The following SUMF1 variants were observed in gnomAD, a reference collection of about 807,000 sequenced individuals.
The protein encoded by SUMF1 is formylglycine-generating enzyme.
A neutral mutation model predicts 47.6 loss-of-function variants in SUMF1; 48 were observed. The ratio of observed to expected loss-of-function variants is 1.01; its 90% confidence interval spans 0.80 to 1.28. SUMF1 has a LOEUF of 1.28. SUMF1 is among the 50% of genes most tolerant of loss of function. SUMF1 has a pLI of 0.00. For synonymous variants in SUMF1, 230 were observed against 192.1 expected, an observed-to-expected ratio of 1.20 and a Z score of -1.63; for missense variants, 571 against 485.4, an observed-to-expected ratio of 1.18 and a Z score of -1.66.
At chr3:4,065,304 G>A (rs1048988535) in intron 9 of SUMF1, among the ~76,000 whole-genome samples, 1 of 152,046 alleles carries the variant, frequency 6.6e-6, no homozygotes, top group African/African-American at 2.4e-5. Context: ...CACTGGGCTA[G>A]AAAGAAGAGG....
intron 8 of SUMF1, among the ~76,000 whole-genome samples, chr3:4,109,587 C>T (rs1693244029): frequency 6.6e-6 from 1 of 152,094 alleles, no homozygotes; most frequent in Non-Finnish European, 1.5e-5. Context: ...TTGGTCTTTT[C>T]ACATAGTCCC....
At chr3:4,436,795 C>T (rs1702414488) in intron 3 of SUMF1, among the ~76,000 whole-genome samples, 1 of 149,602 alleles carries the variant, frequency 6.7e-6, no homozygotes, top group South Asian at 2.1e-4. Flanking sequence ...AAGAAATCAA[C>T]ACCTAGAATA....
chr3:4,109,862 G>A (rs567655192), intron 8 of SUMF1, among the ~76,000 whole-genome samples: 1 of 152,140 alleles, frequency 6.6e-6, no homozygotes, highest in East Asian at 1.9e-4. Context: ...TCTTTGCCAT[G>A]GGTTCAAACT....
chr3:4,084,627 C>G (rs993800357), intron 8 of SUMF1, among the ~76,000 whole-genome samples: 2 of 152,112 alleles, frequency 1.3e-5, no homozygotes, highest in African/African-American at 4.8e-5. Flanking sequence ...TTCTTCCTGA[C>G]TTTCACACTT....
chr3:4,153,184 C>T (rs1362215373), intron 8 of SUMF1, among the ~76,000 whole-genome samples: 2 of 151,352 alleles, frequency 1.3e-5, no homozygotes, highest in African/African-American at 4.9e-5. Flanking sequence ...TGAGCAGAAA[C>T]ATATATTTGA....
At chr3:4,078,093 A>C (rs1692479185) in intron 8 of SUMF1, among the ~76,000 whole-genome samples, 1 of 152,098 alleles carries the variant, frequency 6.6e-6, no homozygotes, top group South Asian at 2.1e-4. Context: ...CTCCTATGCT[A>C]ATAGCAGACA....
At chr3:4,242,532 A>G (rs1696563681) in intron 8 of SUMF1, among the ~76,000 whole-genome samples, 1 of 152,142 alleles carries the variant, frequency 6.6e-6, no homozygotes, top group Non-Finnish European at 1.5e-5. Context: ...TGAGATAATC[A>G]TGTGGTTTTT....
chr3:4,391,617 G>GGATTACA, intron 7 of SUMF1, among the ~76,000 whole-genome samples: 1 of 152,094 alleles, frequency 6.6e-6, no homozygotes, highest in South Asian at 2.1e-4. Context: ...TGAGTAGCTG[G>GGATTACA]GATTACAGGT....
At chr3:4,126,477 C>T (rs1188925715) in intron 8 of SUMF1, among the ~76,000 whole-genome samples, 7 of 152,018 alleles carry the variant, frequency 4.6e-5, no homozygotes, top group African/African-American at 1.7e-4. Flanking sequence ...GATTTTAGTA[C>T]ATCTTAGCCT....
chr3:4,152,147 G>A (rs529920794), intron 8 of SUMF1, among the ~76,000 whole-genome samples: 38 of 151,728 alleles, frequency 2.5e-4, no homozygotes, highest in African/African-American at 8.8e-4. Context: ...GAAGGGAGCA[G>A]TGCAAAGAAC....
intron 3 of SUMF1, among the ~76,000 whole-genome samples, chr3:4,423,882 G>A (rs1047497072): frequency 2.0e-5 from 3 of 152,066 alleles, no homozygotes; most frequent in Non-Finnish European, 2.9e-5. Flanking sequence ...TCTTGCTCCT[G>A]CTTTCACCAT....
chr3:4,272,446 G>C (rs746530621), intron 8 of SUMF1, among the ~76,000 whole-genome samples: 2 of 152,142 alleles, frequency 1.3e-5, no homozygotes, highest in Non-Finnish European at 2.9e-5. Context: ...GATACAGGCT[G>C]TCCATGGCCC....
intron 8 of SUMF1, among the ~76,000 whole-genome samples, chr3:4,367,723 C>T (rs951242143): frequency 2.0e-5 from 3 of 152,126 alleles, no homozygotes; most frequent in African/African-American, 7.2e-5. Context: ...CTGACAAAAA[C>T]AAGCAATGGG....
intron 8 of SUMF1, among the ~76,000 whole-genome samples, chr3:4,189,188 T>C (rs1349744673): frequency 6.6e-6 from 1 of 152,104 alleles, no homozygotes; most frequent in Non-Finnish European, 1.5e-5. Flanking sequence ...TGTATTTGTA[T>C]CTCCTGGCTC....
intron 8 of SUMF1, among the ~76,000 whole-genome samples, chr3:4,233,126 G>T (rs961232023): frequency 2.0e-5 from 3 of 152,106 alleles, no homozygotes; most frequent in Non-Finnish European, 4.4e-5. Context: ...CTCATCCTCA[G>T]ATCCCAAAAA....
intron 8 of SUMF1, among the ~76,000 whole-genome samples, chr3:4,270,969 G>T (rs1411624096): frequency 6.6e-6 from 1 of 152,134 alleles, no homozygotes; most frequent in African/African-American, 2.4e-5. Context: ...ATTTGTGAAG[G>T]CAACAAAGAG....
chr3:4,315,786 C>A (rs1394383260), intron 8 of SUMF1, among the ~76,000 whole-genome samples: 1 of 152,018 alleles, frequency 6.6e-6, no homozygotes, highest in Admixed American at 6.6e-5. Flanking sequence ...GTGGCTCACA[C>A]CTGTAATCCC....
chr3:4,303,702 C>T (rs1459104477), intron 8 of SUMF1: 5 of 1,501,618 alleles, frequency 3.3e-6, no homozygotes, highest in East Asian at 5.5e-5. Context: ...TTCTGTTGAC[C>T]CACGGCATCA....
chr3:4,170,924 G>A (rs1694820001), intron 8 of SUMF1, among the ~76,000 whole-genome samples: 1 of 152,108 alleles, frequency 6.6e-6, no homozygotes, highest in South Asian at 2.1e-4. Context: ...TGAACTACAT[G>A]TCAACATTTT....
Sources: gnomAD v4.1 joint callset for allele counts (sites outside exome capture counted in the v4.1 genomes callset) on GRCh38, gnomAD v4.1.1 for gene constraint, MANE v1.5 for transcripts, NCBI Gene and HGNC (gene_info 2026-07-23, HGNC 2026-07-21) for gene names.